COL4A5: variants seen among roughly 807,000 people sequenced by gnomAD.
COL4A5 encodes collagen alpha-5(IV) chain.
COL4A5 carries 26 observed loss-of-function variants against 130.2 expected under a neutral mutation model. The ratio of observed to expected loss-of-function variants is 0.20; its 90% CI spans 0.15 to 0.28. The LOEUF is 0.28. COL4A5 is among the 10% of genes least tolerant of loss of function. The pLI, the probability that COL4A5 is intolerant of heterozygous loss-of-function variation, is 1.00. For synonymous variants in COL4A5, 496 were observed against 439.6 expected, an observed-to-expected ratio of 1.13 and a Z score of -1.60; for missense variants, 1,131 against 1,344.3, an observed-to-expected ratio of 0.84 and a Z score of 2.48.
chrX:108,677,708 A>T lies in COL4A5; in HGVS notation c.3942+75A>T. On this transcript the variant is annotated intron_variant, in intron 44 of 52. Coordinates refer to ENST00000328300, the MANE Select transcript of COL4A5 (RefSeq NM_033380.3). Reference sequence around the variant, plus strand: ...ATTCAAAATGTGAATTCTAAGCTGCATCATTTTAATTAACACTCACTAGAC... The same window carrying T: ...ATTCAAAATGTGAATTCTAAGCTGCTTCATTTTAATTAACACTCACTAGAC... 3 of 1,102,147 alleles carry T rather than the reference A, an allele frequency of 2.7e-6. No homozygotes were observed. The Admixed American group carries it at 6.8e-5, about 25-fold the overall frequency. The allele number at this position is 1,102,147 out of a possible 1,213,427, so 90.8% of individuals were successfully genotyped here. A position where few individuals can be genotyped will look rare whatever the true frequency, so the allele number is the denominator to read the frequency against.
chrX:108,680,350 C>T (rs987015854), intron 44 of COL4A5, among the ~76,000 whole-genome samples: 2 of 111,487 alleles, frequency 1.8e-5, no homozygotes, highest in African/African-American at 3.3e-5. Flanking sequence ...TTTAACTTTG[C>T]GCACCTCAGT....
At chrX:108,514,444 G>C (rs2065204154) in intron 1 of COL4A5, among the ~76,000 whole-genome samples, 1 of 111,723 alleles carries the variant, frequency 9.0e-6, no homozygotes, top group South Asian at 3.7e-4. Context: ...GGTCAAACTT[G>C]GGCTTTCAGG....
At chrX:108,494,231 C>G (rs1217649742) in intron 1 of COL4A5, among the ~76,000 whole-genome samples, 1 of 110,745 alleles carries the variant, frequency 9.0e-6, no homozygotes, top group Non-Finnish European at 1.9e-5. Flanking sequence ...TTCAGGTGGC[C>G]CCTAATTTAA....
At chrX:108,639,497 C>T (rs1193701761) in intron 36 of COL4A5, among the ~76,000 whole-genome samples, 5 of 110,305 alleles carry the variant, frequency 4.5e-5, no homozygotes, top group Non-Finnish European at 7.6e-5. Context: ...GATATGACAC[C>T]GAAATCACAG....
At chrX:108,679,860 A>G (rs955345631) in intron 44 of COL4A5, among the ~76,000 whole-genome samples, 3 of 111,999 alleles carry the variant, frequency 2.7e-5, no homozygotes, top group Non-Finnish European at 5.6e-5. Context: ...AGTACACACC[A>G]CACACCAGTC....
intron 1 of COL4A5, among the ~76,000 whole-genome samples, chrX:108,464,548 CTATT>C (rs1475202334): frequency 8.9e-6 from 1 of 111,968 alleles, no homozygotes; most frequent in Non-Finnish European, 1.9e-5. Context: ...AGTTATTAAA[CTATT>C]TATTGGGTTG....
At chrX:108,588,761 A>G (rs946949825) in intron 19 of COL4A5, among the ~76,000 whole-genome samples, 5 of 111,717 alleles carry the variant, frequency 4.5e-5, no homozygotes, top group African/African-American at 1.6e-4. Flanking sequence ...GAAGCTCTTA[A>G]AAACTATTTG....
Position 108,681,856 on chromosome X carries a change from T to C in COL4A5, c.4184T>C (p.Leu1395Pro). The C allele has an allele frequency of 8.3e-7, 1 of 1,210,134 alleles. No homozygotes were observed. The highest frequency in any genetic ancestry group is 1.1e-6 in the Non-Finnish European group (1 of 894,556). The change falls in exon 47 of 53, where the codon CTA becomes CCA. Residue 1395 changes from leucine (L) to proline (P), a missense_variant. Physicochemically the swap from Leu to Pro is moderately conservative, Grantham distance 98 (BLOSUM62 -3). Coordinates refer to ENST00000328300, the MANE Select transcript of COL4A5 (RefSeq NM_033380.3). ...CCTGGCCAGCCTGGGCTAAAGGGTCTACCAGGACCCCAAGGACCTCAAGGC... is the reference window on the plus strand; with the variant it reads ...CCTGGCCAGCCTGGGCTAAAGGGTCCACCAGGACCCCAAGGACCTCAAGGC... ...GIPGQPGLKGLPGPQGPQGLP... is the reference protein window; with the variant it reads ...GIPGQPGLKGPPGPQGPQGLP...
intron 1 of COL4A5, among the ~76,000 whole-genome samples, chrX:108,463,705 C>G (rs773798613): frequency 1.1e-4 from 12 of 111,438 alleles, no homozygotes; most frequent in Non-Finnish European, 1.7e-4. Flanking sequence ...GAGATATATT[C>G]CACTTCTCCA....
chrX:108,555,974 G>C (rs2065818403), intron 2 of COL4A5, among the ~76,000 whole-genome samples: 1 of 112,086 alleles, frequency 8.9e-6, no homozygotes, highest in African/African-American at 3.2e-5. Flanking sequence ...AATTTACTGA[G>C]TATTTGTTCT....
intron 18 of COL4A5, 136 bp from the exon 19 acceptor site, chrX:108,586,479 G>T (rs1183308167): frequency 1.8e-6 from 1 of 568,983 alleles, no homozygotes; most frequent in Admixed American, 3.1e-5. Context: ...TGGAGGATGG[G>T]AGTGATACAA....
At chrX:108,448,355 G>T (rs1043082536) in intron 1 of COL4A5, among the ~76,000 whole-genome samples, 1 of 112,295 alleles carries the variant, frequency 8.9e-6, no homozygotes, top group African/African-American at 3.2e-5. Flanking sequence ...AAGACTTCAA[G>T]AAATTCTGTT....
chrX:108,543,139 T>C (rs1365895100), intron 2 of COL4A5, among the ~76,000 whole-genome samples: 1 of 110,482 alleles, frequency 9.1e-6, no homozygotes, highest in East Asian at 2.8e-4. Flanking sequence ...ATTTTGGCTT[T>C]TGTTGCCATT....
chrX:108,544,837 G>A (rs1296806386), intron 2 of COL4A5, among the ~76,000 whole-genome samples: 1 of 111,341 alleles, frequency 9.0e-6, no homozygotes, highest in Non-Finnish European at 1.9e-5. Context: ...TTTAGTCTTG[G>A]GAGAGTGTAT....
chrX:108,470,725 A>G (rs1279724046), intron 1 of COL4A5, among the ~76,000 whole-genome samples: 1 of 111,329 alleles, frequency 9.0e-6, no homozygotes, highest in Non-Finnish European at 1.9e-5. Context: ...TCCCAAGGCT[A>G]ATGTCCAGGA....
chrX:108,644,771 G>A, intron 36 of COL4A5, among the ~76,000 whole-genome samples: 1 of 108,821 alleles, frequency 9.2e-6, no homozygotes, highest in Non-Finnish European at 1.9e-5. Flanking sequence ...ATGGTGGCAG[G>A]CACCTGTAAT....
intron 37 of COL4A5, among the ~76,000 whole-genome samples, chrX:108,661,849 C>A (rs184136512): frequency 7.2e-5 from 8 of 110,724 alleles, no homozygotes; most frequent in Admixed American, 3.9e-4. Context: ...ACTTGGCATA[C>A]GGGCTTTATT....
rs200814705 is a variant in COL4A5, at chrX:108,674,777, C to CT, written c.3808+42dup. The CT allele has an allele frequency of 0.051, 47,328 of 925,291 alleles. 13 individuals are homozygous for CT. Among genetic ancestry groups the CT allele is most frequent in the Non-Finnish European group, 0.054 (38,656 of 710,502 alleles). 76.3% of individuals were successfully genotyped at this position (925,291 alleles called of 1,213,427 possible). A position where few individuals can be genotyped will look rare whatever the true frequency, so the allele number is the denominator to read the frequency against. ...AGGTTAGACTCTTCACTGGTCAATT[C>CT]TTTTTTTTTTTTTTTTTTAATGCTT... is the stretch of plus-strand genomic sequence containing the variant. On this transcript the variant is annotated intron_variant, in intron 43 of 52. Transcript: ENST00000328300.
intron 45 of COL4A5, 38 bp from the exon 46 acceptor site, chrX:108,680,847 G>A (rs2068412704): frequency 1.7e-6 from 2 of 1,195,172 alleles, no homozygotes; most frequent in Admixed American, 4.4e-5. Flanking sequence ...TTGTAGCCCT[G>A]TTGCTTTGCC....
Sources: allele counts gnomAD v4.1 joint callset (sites outside exome capture counted in the v4.1 genomes callset), GRCh38; gene constraint gnomAD v4.1.1; transcripts MANE v1.5; gene names NCBI Gene and HGNC (gene_info 2026-07-23, HGNC 2026-07-21).